Variants in RTN1 observed in about 807,000 individuals in gnomAD.
RTN1 encodes the protein reticulon 1, also known as reticulon-1.
In RTN1, 25 loss-of-function variants were observed where a neutral mutation model predicts 65.5. The ratio of observed to expected loss-of-function variants is 0.38; its 90% CI spans 0.28 to 0.53. RTN1 has a LOEUF of 0.53. Ranked by LOEUF, RTN1 falls within the 20% of genes least tolerant of loss-of-function variation. RTN1 has a pLI of 0.79. For missense variants in RTN1, 983 were observed against 1,025.4 expected (o/e 0.96, Z 0.57); for synonymous variants, 471 against 447.6 (o/e 1.05, Z -0.66).
chr14:59,819,698 G>A (rs999751655), intron 1 of RTN1, among the ~76,000 whole-genome samples: 2 of 152,106 alleles, frequency 1.3e-5, no homozygotes, highest in Non-Finnish European at 2.9e-5. Context: ...CGGGCTGCAG[G>A]TCCCGAACCC....
At chr14:59,715,194 T>A (rs1884508687) in intron 3 of RTN1, among the ~76,000 whole-genome samples, 2 of 152,224 alleles carry the variant, frequency 1.3e-5, no homozygotes, top group Admixed American at 6.5e-5. Context: ...AATGACCTTA[T>A]GTCTCATCCC....
intron 1 of RTN1, 67 bp from the exon 2 acceptor site, chr14:59,746,548 C>T (rs1566709537): frequency 5.9e-6 from 8 of 1,344,876 alleles, no homozygotes; most frequent in African/African-American, 1.5e-5. Context: ...TTGTCTAACC[C>T]ACCACCCACC....
intron 1 of RTN1, among the ~76,000 whole-genome samples, chr14:59,761,734 C>G (rs552888164): frequency 6.6e-6 from 1 of 152,290 alleles, no homozygotes; most frequent in East Asian, 1.9e-4. Context: ...ACAGGACCAT[C>G]CCTTGTAGAG....
intron 1 of RTN1, among the ~76,000 whole-genome samples, chr14:59,793,613 A>G (rs1327530403): frequency 2.0e-5 from 3 of 150,382 alleles, no homozygotes; most frequent in African/African-American, 4.9e-5. Context: ...AAATTCTATT[A>G]CCTTGTCAAT....
intron 3 of RTN1, among the ~76,000 whole-genome samples, chr14:59,615,248 G>A (rs529777573): frequency 1.8e-4 from 27 of 152,214 alleles, no homozygotes; most frequent in East Asian, 5.8e-4. Context: ...TCAGGAGTTC[G>A]AGACCAGCCT....
chr14:59,745,737 C>G lies in RTN1; in HGVS notation c.986G>C (p.Gly329Ala). 1 of 1,612,698 alleles carries G rather than the reference C, an allele frequency of 6.2e-7. No homozygotes were observed. The highest frequency in any genetic ancestry group is 2.2e-5 in the East Asian group (1 of 44,866). Reference sequence around the variant, plus strand: ...TCCAGAAGATGGAGGGGTGATAGATCCTGGGCTGTCGTCTTCAGGCTCCGA... The same window carrying G: ...TCCAGAAGATGGAGGGGTGATAGATGCTGGGCTGTCGTCTTCAGGCTCCGA... ...TVSEPEDDSP[G>A]SITPPSSGTE... is the part of the protein sequence containing the mutation. The change falls in exon 2 of 9, where the codon GGA (glycine) becomes GCA (alanine). Residue 329 changes from glycine (G) to alanine (A), a missense_variant. Around this residue, in one of 2 missense-constraint regions of RTN1, gnomAD observed 818 missense variants for 801.8 expected, o/e 1.02. Coordinates refer to ENST00000267484, the MANE Select transcript of RTN1 (RefSeq NM_021136.3).
intron 1 of RTN1, among the ~76,000 whole-genome samples, chr14:59,805,898 T>C (rs1457555084): frequency 6.6e-6 from 1 of 152,190 alleles, no homozygotes; most frequent in Non-Finnish European, 1.5e-5. Flanking sequence ...TTTCACAAAA[T>C]TGGGACCAGA....
intron 1 of RTN1, among the ~76,000 whole-genome samples, chr14:59,855,938 G>C (rs890689500): frequency 6.6e-6 from 1 of 152,190 alleles, no homozygotes; most frequent in Non-Finnish European, 1.5e-5. Context: ...AGTGATTACT[G>C]TCTAAAAGTT....
chr14:59,624,551 C>A (rs1057052628), intron 3 of RTN1, among the ~76,000 whole-genome samples: 2 of 151,644 alleles, frequency 1.3e-5, no homozygotes, highest in Admixed American at 6.6e-5. Flanking sequence ...AACCTCTGCC[C>A]CCTGGGTTCA....
At chr14:59,613,164 G>A (rs889424790) in intron 3 of RTN1, among the ~76,000 whole-genome samples, 3 of 152,154 alleles carry the variant, frequency 2.0e-5, no homozygotes, top group Non-Finnish European at 4.4e-5. Flanking sequence ...CTTTGGTAAA[G>A]TTCAGAAAGT....
At chr14:59,690,475 C>T (rs1883938469) in intron 3 of RTN1, among the ~76,000 whole-genome samples, 1 of 152,108 alleles carries the variant, frequency 6.6e-6, no homozygotes, top group South Asian at 2.1e-4. Flanking sequence ...CTACAAAAGA[C>T]TTAGCCACAT....
chr14:59,867,186 C>A (rs557611033), intron 1 of RTN1, among the ~76,000 whole-genome samples: 14 of 152,256 alleles, frequency 9.2e-5, no homozygotes, highest in African/African-American at 3.4e-4. Context: ...ATTTAAAATT[C>A]TTTCTTTAAA....
chr14:59,674,682 T>C (rs1284627133), intron 3 of RTN1, among the ~76,000 whole-genome samples: 2 of 152,170 alleles, frequency 1.3e-5, no homozygotes, highest in Non-Finnish European at 2.9e-5. Flanking sequence ...ATTCAACATA[T>C]TGAAAGATTA....
chr14:59,771,291 G>T (rs887889571), intron 1 of RTN1, among the ~76,000 whole-genome samples: 1 of 152,148 alleles, frequency 6.6e-6, no homozygotes, highest in Non-Finnish European at 1.5e-5. Flanking sequence ...GCCTCAACAG[G>T]GGTCATCAGC....
chr14:59,749,198 CTATATATA>C lies in RTN1; in HGVS notation c.242-2725_242-2718del, dbSNP rs1195401902. On this transcript the variant is annotated intron_variant, in intron 1 of 8. Coordinates refer to ENST00000267484, the MANE Select transcript of RTN1 (RefSeq NM_021136.3). ...TATCTATATATCTATCTATATATAT[CTATATATA>C]TATCTATATATATCTATATATCTAT... Among the ~76,000 whole-genome samples, 24 of 45,138 alleles carry C rather than the reference CTATATATA, an allele frequency of 5.3e-4. 1 individual carries two copies. Among genetic ancestry groups the C allele is most frequent in the Non-Finnish European group, 7.2e-4 (19 of 26,248 alleles). 29.6% of individuals were successfully genotyped at this position (45,138 alleles called of 152,430 possible).
intron 2 of RTN1, among the ~76,000 whole-genome samples, chr14:59,739,003 G>A (rs943291581): frequency 1.3e-5 from 2 of 152,088 alleles, no homozygotes; most frequent in Non-Finnish European, 2.9e-5. Flanking sequence ...CCTGTCAGAC[G>A]GTGAAGGGGG....
intron 3 of RTN1, among the ~76,000 whole-genome samples, chr14:59,683,423 G>T: frequency 6.8e-6 from 1 of 147,028 alleles, no homozygotes; most frequent in South Asian, 2.2e-4. Flanking sequence ...GGTTTCTTTT[G>T]GTTTTCATTT....
intron 1 of RTN1, among the ~76,000 whole-genome samples, chr14:59,812,394 C>T (rs530299984): frequency 3.8e-4 from 58 of 152,176 alleles, no homozygotes; most frequent in Non-Finnish European, 6.0e-4. Flanking sequence ...ATATAATAAA[C>T]TTGGCACTGT....
At chr14:59,738,011 A>C (rs8011744) in intron 2 of RTN1, among the ~76,000 whole-genome samples, 9,961 of 152,178 alleles carry the variant, frequency 0.065, 1,054 homozygotes, top group African/African-American at 0.23. Flanking sequence ...AAAATCAACT[A>C]AAGATGGATT....
Sources: allele counts gnomAD v4.1 joint callset (sites outside exome capture counted in the v4.1 genomes callset), GRCh38; gene constraint gnomAD v4.1.1; regional missense constraint gnomAD v4.1.1; transcripts MANE v1.5; gene names NCBI Gene and HGNC (gene_info 2026-07-23, HGNC 2026-07-21).